TARBP1: variants seen among roughly 807,000 people sequenced by gnomAD.
The protein encoded by TARBP1 is tRNA guanosine 2 -O-methyltransferase TARBP1.
TARBP1 carries 144 observed loss-of-function variants against 178.6 expected under a neutral mutation model. The ratio of observed to expected loss-of-function variants is 0.81; its 90% CI spans 0.70 to 0.93. The LOEUF (loss-of-function observed/expected upper bound fraction) is 0.93, where lower values mean the gene tolerates loss of function less well. Among genes scored for constraint, TARBP1 ranks in the 40% least tolerant of loss-of-function variants. The probability of loss-of-function intolerance (pLI) is 0.00; values close to 1 mark genes in which losing one functional copy is unlikely to be tolerated. For synonymous variants in TARBP1, 787 were observed against 781.0 expected, an observed-to-expected ratio of 1.01 and a Z score of -0.13; for missense variants, 2,067 against 2,011.7, an observed-to-expected ratio of 1.03 and a Z score of -0.53.
intron 24 of TARBP1, among the ~76,000 whole-genome samples, chr1:234,404,700 A>G (rs1038518071): frequency 1.3e-5 from 2 of 152,150 alleles, no homozygotes; most frequent in Non-Finnish European, 2.9e-5. Flanking sequence ...ACTGTGCACG[A>G]TGTACCAGGA....
intron 9 of TARBP1, among the ~76,000 whole-genome samples, chr1:234,454,915 C>A (rs1057261597): frequency 6.6e-5 from 10 of 152,130 alleles, no homozygotes; most frequent in African/African-American, 1.9e-4. Context: ...CAATGTAATC[C>A]TAAGTGTCCT....
intron 10 of TARBP1, 101 bp downstream of exon 10, chr1:234,450,327 C>A (rs974488679): frequency 2.3e-6 from 2 of 870,942 alleles, no homozygotes; most frequent in Non-Finnish European, 3.4e-6. Context: ...AATAAATCAT[C>A]ATATATTTCG....
At chr1:234,472,859 A>T (rs368004344) in intron 1 of TARBP1, 48 bp from the exon 2 acceptor site, 3 of 1,408,748 alleles carry the variant, frequency 2.1e-6, no homozygotes, top group South Asian at 2.5e-5. Flanking sequence ...TGCAAATTTC[A>T]TAAGTTTCTC....
chr1:234,466,805 C>G (rs59010106), intron 4 of TARBP1, among the ~76,000 whole-genome samples: 12,686 of 151,290 alleles, frequency 0.084, 919 homozygotes, highest in East Asian at 0.27. Context: ...GGAGGTTGCA[C>G]TGAGCCGAGA....
At chr1:234,453,234 C>T (rs1319793117) in intron 9 of TARBP1, among the ~76,000 whole-genome samples, 1 of 151,446 alleles carries the variant, frequency 6.6e-6, no homozygotes, top group East Asian at 1.9e-4. Context: ...AAATGAACCA[C>T]ACTAATACAA....
intron 2 of TARBP1, among the ~76,000 whole-genome samples, chr1:234,471,745 CTAAA>C: frequency 6.6e-6 from 1 of 152,228 alleles, no homozygotes; most frequent in South Asian, 2.1e-4. Flanking sequence ...ATTTGGGTTT[CTAAA>C]TAAATAATGG....
intron 9 of TARBP1, among the ~76,000 whole-genome samples, chr1:234,451,748 C>CAAAAAAAAAAAAAAAAAA (rs766485621): frequency 1.5e-4 from 1 of 6,620 alleles, no homozygotes. Flanking sequence ...GACTCCGTCT[C>CAAAAAAAAAAAAAAAAAA]AAAAAAAAAA....
chr1:234,398,643 T>C, intron 25 of TARBP1, 90 bp from the exon 26 acceptor site: 1 of 999,026 alleles, frequency 1.0e-6, no homozygotes, highest in Non-Finnish European at 1.4e-6. Context: ...TTATTAATGA[T>C]ATATTCTCCA....
At chr1:234,435,938 C>G (rs543247361) in intron 13 of TARBP1, among the ~76,000 whole-genome samples, 3 of 152,178 alleles carry the variant, frequency 2.0e-5, no homozygotes, top group African/African-American at 7.2e-5. Context: ...TCATTAAACA[C>G]TGACCAGCAC....
In TARBP1 at chr1:234,460,256, A is replaced by C. The variant is rs1033962377; in HGVS notation, c.1535+5T>G. On this transcript the variant is annotated splice_donor_5th_base_variant and intron_variant, in intron 7 of 29. Transcript: ENST00000040877. ...CCATACAAGTACATATACAGAGTAA[A>C]TTACCTGAGAGCAAGAAGCCCATCT... The C allele has an allele frequency of 1.2e-6, 2 of 1,612,190 alleles. No homozygotes were observed. The highest frequency in any genetic ancestry group is 1.7e-6 in the Non-Finnish European group (2 of 1,179,586).
rs1662266429 is a variant in TARBP1 at position 234,415,056 on chromosome 1, C to T, written c.3705+3028G>A. On this transcript the variant is annotated intron_variant, in intron 22 of 29. Transcript: ENST00000040877. Reference sequence around the variant, plus strand: ...AACACAGGCACCTCTTTCAGGAAGTCTGATGATGAAATAGTAGAGAGCCAG... The same window carrying T: ...AACACAGGCACCTCTTTCAGGAAGTTTGATGATGAAATAGTAGAGAGCCAG... 2.6e-5 allele frequency among the ~76,000 whole-genome samples: 4 copies of T among 152,056 alleles called. No homozygotes were observed. The South Asian group carries it at 8.3e-4, about 32-fold the overall frequency.
intron 12 of TARBP1, among the ~76,000 whole-genome samples, chr1:234,441,361 A>T (rs1665577567): frequency 6.6e-6 from 1 of 152,216 alleles, no homozygotes. Context: ...AGGTAAAGGA[A>T]CTAGAATAGC....
At chr1:234,467,436 T>A (rs1458880441) in intron 4 of TARBP1, 66 bp downstream of exon 4, 1 of 1,378,864 alleles carries the variant, frequency 7.3e-7, no homozygotes, top group African/African-American at 1.5e-5. Flanking sequence ...TGATACAGAA[T>A]CCTAGTGTAT....
chr1:234,393,532 C>T (rs1659615530), intron 27 of TARBP1, 46 bp from the exon 28 acceptor site: 1 of 1,571,496 alleles, frequency 6.4e-7, no homozygotes, highest in African/African-American at 1.4e-5. Context: ...CAGCACAATG[C>T]TAAGCTCATC....
intron 13 of TARBP1, among the ~76,000 whole-genome samples, chr1:234,434,045 C>A (rs187438018): frequency 6.6e-6 from 1 of 152,130 alleles, no homozygotes. Context: ...ACTCATAAAC[C>A]CAGAAAAAAA....
At position 234,460,343 on chromosome 1, in the gene TARBP1, C is replaced by T. The variant is rs758878673; in HGVS notation, c.1453G>A (p.Val485Ile). 1 of 1,614,186 alleles carries T rather than the reference C, an allele frequency of 6.2e-7. No individual in the cohort carries two copies. ...RKMTSRHWCA[V>I]PILFLSKALA... ...GCCTTAGATAGAAACAAAATGGGAA[C>T]AGCACACCAATGCCTACTTGTCATC... Residue 485 changes from valine to isoleucine, a missense_variant, in exon 7 of 30, where the codon GTT (valine) becomes ATT (isoleucine). By Grantham distance (29) the Val-to-Ile change is conservative (BLOSUM62 3). Transcript: ENST00000040877.
intron 24 of TARBP1, among the ~76,000 whole-genome samples, chr1:234,402,602 G>T (rs188291774): frequency 1.9e-4 from 29 of 151,780 alleles, no homozygotes; most frequent in East Asian, 5.8e-4. Flanking sequence ...TTGAGACAGG[G>T]TCTCACTCGG....
At chr1:234,410,569 G>A (rs950629832) in intron 22 of TARBP1, 38 bp from the exon 23 acceptor site, 1 of 1,317,676 alleles carries the variant, frequency 7.6e-7, no homozygotes. Context: ...TTGATTCAAA[G>A]CTTACTGTGA....
At chr1:234,407,158 A>G (rs778486853) in intron 23 of TARBP1, 1 of 152,174 alleles carries the variant, frequency 6.6e-6, no homozygotes, top group African/African-American at 2.4e-5. Context: ...TTTGTCCACA[A>G]TTCCTGTCTT....
Sources: allele counts gnomAD v4.1 joint callset (sites outside exome capture counted in the v4.1 genomes callset), GRCh38; gene constraint gnomAD v4.1.1; transcripts MANE v1.5; gene names NCBI Gene and HGNC (gene_info 2026-07-23, HGNC 2026-07-21).